ROR1: variants seen among roughly 807,000 people sequenced by gnomAD.
The protein encoded by ROR1 is ROR family WNT receptor 1.
A neutral mutation model predicts 78.8 loss-of-function variants in ROR1; 19 were observed. That is an observed-to-expected ratio of 0.24 (90% CI 0.17 to 0.35). The LOEUF (loss-of-function observed/expected upper bound fraction) is 0.35, where lower values mean the gene tolerates loss of function less well. ROR1 is among the 10% of genes least tolerant of loss of function. The probability of loss-of-function intolerance (pLI) is 1.00; values close to 1 mark genes in which losing one functional copy is unlikely to be tolerated. For synonymous variants in ROR1, 386 were observed against 433.6 expected (o/e 0.89, Z 1.36); for missense variants, 917 against 1,177.8 (o/e 0.78, Z 3.24).
chr1:64,175,867 A>T (rs138057994), intron 8 of ROR1, among the ~76,000 whole-genome samples: 340 of 152,192 alleles, frequency 2.2e-3, no homozygotes, highest in African/African-American at 7.7e-3. Flanking sequence ...GTTGTTTTAA[A>T]CTCTGTACAG....
chr1:63,833,990 C>CTT lies in ROR1; in HGVS notation c.91+59497_91+59498dup, dbSNP rs71056008. 3.1e-4 allele frequency among the ~76,000 whole-genome samples: 41 copies of CTT among 132,018 alleles called. 1 individual carries two copies. Among genetic ancestry groups the CTT allele is most frequent in the East Asian group, 4.5e-4 (2 of 4,452 alleles). 86.6% of individuals were successfully genotyped at this position (132,018 alleles called of 152,430 possible). A position where few individuals can be genotyped will look rare whatever the true frequency, so the allele number is the denominator to read the frequency against. ...CTTTTTTTTGACTTTTCTTCTTCTT[C>CTT]TTTTTTTTTTTTTTTTGTTTGTTTG... is the stretch of plus-strand genomic sequence containing the variant. On this transcript the variant is annotated intron_variant, in intron 1 of 8. Coordinates refer to ENST00000371079, the MANE Select transcript of ROR1 (RefSeq NM_005012.4).
intron 1 of ROR1, among the ~76,000 whole-genome samples, chr1:63,812,070 C>T (rs1455271048): frequency 2.0e-5 from 3 of 150,792 alleles, no homozygotes; most frequent in Non-Finnish European, 2.9e-5. Flanking sequence ...AAGCAATTCT[C>T]CTGCCTCAGC....
intron 2 of ROR1, among the ~76,000 whole-genome samples, chr1:64,019,651 G>A (rs1646548476): frequency 6.6e-6 from 1 of 151,944 alleles, no homozygotes; most frequent in African/African-American, 2.4e-5. Context: ...ATCTATCGAG[G>A]GCTTATGATA....
rs184719476 is a variant in ROR1, at chr1:64,035,755, G to A, written c.164-13936G>A. On this transcript the variant is annotated intron_variant, in intron 2 of 8. Coordinates refer to ENST00000371079, the MANE Select transcript of ROR1 (RefSeq NM_005012.4). ...TCATAAAGAGAATTAGAGTCTGGGG[G>A]TGGAGGGAGATTCCTGATCTGGTTC... Among the ~76,000 whole-genome samples, 504 of 152,260 alleles carry A rather than the reference G, an allele frequency of 3.3e-3. 1 individual carries two copies. Among genetic ancestry groups the A allele is most frequent in the Non-Finnish European group, 5.0e-3 (339 of 68,020 alleles).
At chr1:64,155,586 A>G (rs1649747190) in intron 7 of ROR1, among the ~76,000 whole-genome samples, 1 of 152,106 alleles carries the variant, frequency 6.6e-6, no homozygotes, top group African/African-American at 2.4e-5. Context: ...CTACAGGGGG[A>G]TTTGTCCCAG....
chr1:64,077,150 C>T (rs747975236), intron 4 of ROR1, among the ~76,000 whole-genome samples: 2 of 152,086 alleles, frequency 1.3e-5, no homozygotes, highest in Non-Finnish European at 2.9e-5. Flanking sequence ...AATAATTTTC[C>T]CATAGAAACT....
chr1:64,166,069 C>A (rs1329996410), intron 8 of ROR1, among the ~76,000 whole-genome samples: 1 of 152,198 alleles, frequency 6.6e-6, no homozygotes, highest in Non-Finnish European at 1.5e-5. Flanking sequence ...GGTCCAGTTT[C>A]AATCTTCTGC....
intron 4 of ROR1, among the ~76,000 whole-genome samples, chr1:64,053,754 G>A (rs565048173): frequency 4.3e-4 from 66 of 152,206 alleles, no homozygotes; most frequent in African/African-American, 1.5e-3. Flanking sequence ...TCATTGTTAT[G>A]CATGTCTGGA....
At chr1:64,112,615 A>G (rs930750127) in intron 4 of ROR1, among the ~76,000 whole-genome samples, 2 of 152,044 alleles carry the variant, frequency 1.3e-5, no homozygotes, top group African/African-American at 4.8e-5. Flanking sequence ...CTTTCATAGC[A>G]TCTTTCACCC....
intron 1 of ROR1, among the ~76,000 whole-genome samples, chr1:63,776,670 G>T (rs1411153988): frequency 6.6e-6 from 1 of 152,176 alleles, no homozygotes; most frequent in African/African-American, 2.4e-5. Context: ...CTTGGTTTCA[G>T]GTCTGGTTCC....
intron 1 of ROR1, among the ~76,000 whole-genome samples, chr1:63,842,291 C>T (rs989295168): frequency 3.3e-5 from 5 of 152,216 alleles, no homozygotes; most frequent in African/African-American, 1.2e-4. Context: ...CAGAAGGATT[C>T]GTGGGTTAGA....
At chr1:64,097,815 C>T (rs1468670495) in intron 4 of ROR1, among the ~76,000 whole-genome samples, 2 of 152,032 alleles carry the variant, frequency 1.3e-5, no homozygotes, top group Non-Finnish European at 2.9e-5. Context: ...TCCTCAAGCT[C>T]CAGAACCTCT....
intron 1 of ROR1, among the ~76,000 whole-genome samples, chr1:63,866,458 T>G (rs549493031): frequency 6.6e-5 from 10 of 152,238 alleles, no homozygotes; most frequent in Non-Finnish European, 1.0e-4. Flanking sequence ...TACATCCACT[T>G]GATCATCTTG....
intron 7 of ROR1, among the ~76,000 whole-genome samples, chr1:64,149,218 A>G (rs1557674984): frequency 3.3e-5 from 5 of 152,188 alleles, no homozygotes; most frequent in Admixed American, 3.3e-4. Flanking sequence ...AACACAAGAT[A>G]AAGGTGTCAT....
rs1472958981 is a variant in ROR1, at chr1:64,049,740, G to A, written c.213G>A (p.Leu71=). Residue 71 remains leucine (L), a synonymous_variant, in exon 3 of 9, where the codon CTG becomes CTA. Transcript: ENST00000371079. ...CAATGAATAACATCACCACGTCTCT[G>A]GGCCAGACAGCAGAACTGCACTGCA... ...DEPMNNITTS[L]GQTAELHCKV... is the part of the protein sequence containing the mutation. 1 of 1,613,858 alleles carries A rather than the reference G, an allele frequency of 6.2e-7. No homozygotes were observed. Among genetic ancestry groups the A allele is most frequent in the Non-Finnish European group, 8.5e-7 (1 of 1,179,952 alleles).
chr1:64,116,801 G>A (rs573962749), intron 4 of ROR1, among the ~76,000 whole-genome samples: 50 of 152,108 alleles, frequency 3.3e-4, no homozygotes, highest in Non-Finnish European at 3.4e-4. Flanking sequence ...CTCAAGTTCC[G>A]CCTTCTCCAG....
intron 1 of ROR1, among the ~76,000 whole-genome samples, chr1:63,836,084 T>C (rs1489244668): frequency 1.3e-5 from 2 of 152,230 alleles, no homozygotes; most frequent in Non-Finnish European, 1.5e-5. Context: ...TGCTTGCTTT[T>C]TGTAAACTAT....
chr1:63,988,096 A>G (rs1048504996), intron 1 of ROR1, among the ~76,000 whole-genome samples: 1 of 151,224 alleles, frequency 6.6e-6, no homozygotes, highest in Non-Finnish European at 1.5e-5. Context: ...AGGAGTTTCC[A>G]AAAAAAATAA....
At chr1:63,804,202 G>T (rs1022533793) in intron 1 of ROR1, among the ~76,000 whole-genome samples, 1 of 152,102 alleles carries the variant, frequency 6.6e-6, no homozygotes, top group Non-Finnish European at 1.5e-5. Flanking sequence ...GAACAGTCCT[G>T]TATTGTAATT....
Sources: allele counts gnomAD v4.1 joint callset (sites outside exome capture counted in the v4.1 genomes callset), GRCh38; gene constraint gnomAD v4.1.1; transcripts MANE v1.5; gene names NCBI Gene and HGNC (gene_info 2026-07-23, HGNC 2026-07-21).